SCN2A: variants seen among roughly 807,000 people sequenced by gnomAD.
SCN2A encodes the protein sodium channel protein type 2 subunit alpha.
SCN2A carries 20 observed loss-of-function variants against 188.7 expected under a neutral mutation model. The observed-to-expected ratio is 0.11, with a 90% CI of 0.07 to 0.15. SCN2A has a LOEUF of 0.15. SCN2A is among the 10% of genes least tolerant of loss of function. SCN2A has a pLI of 1.00. For synonymous variants in SCN2A, 804 were observed against 833.1 expected (o/e 0.97, Z 0.60); for missense variants, 1,278 against 2,445.0 (o/e 0.52, Z 10.07).
chr2:165,283,292 T>A (rs1222322654), intron 1 of SCN2A, among the ~76,000 whole-genome samples: 1 of 152,188 alleles, frequency 6.6e-6, no homozygotes, highest in African/African-American at 2.4e-5. Context: ...AGACCTTAGC[T>A]ATAGGTTGTT....
rs1700784527 is a variant in SCN2A, at chr2:165,367,368, T to C, written c.3672T>C (p.Ala1224=). The change falls in exon 19 of 27, where the codon GCT becomes GCC. Residue 1224 remains alanine (A), a synonymous_variant. Transcript: ENST00000375437. ...IVFMILLSSG[A]LAFEDIYIEQ... ...TCATGATTCTGCTGAGCAGTGGGGC[T>C]CTGGTAGGTGATGCATGATCCACTC... 6.2e-7 allele frequency: 1 copy of C among 1,614,064 alleles called. No homozygotes were observed. Among genetic ancestry groups the C allele is most frequent in the African/African-American group, 1.3e-5 (1 of 74,942 alleles).
chr2:165,336,297 C>T (rs945936968), intron 14 of SCN2A, among the ~76,000 whole-genome samples: 7 of 151,774 alleles, frequency 4.6e-5, no homozygotes, highest in Non-Finnish European at 1.0e-4. Flanking sequence ...AACATGAATG[C>T]TTATAGAATA....
At chr2:165,268,295 C>G (rs1263369978) in intron 1 of SCN2A, 1 of 151,934 alleles carries the variant, frequency 6.6e-6, no homozygotes, top group South Asian at 2.1e-4. Context: ...CAACAAAATT[C>G]TAGCTAAGCA....
intron 1 of SCN2A, among the ~76,000 whole-genome samples, chr2:165,276,027 T>C (rs168478): frequency 0.28 from 43,069 of 152,030 alleles, 6,390 homozygotes; most frequent in South Asian, 0.32. Context: ...GCCACTGCAC[T>C]CAGCCAAGTT....
At chr2:165,348,531 C>G (rs1699725463) in intron 16 of SCN2A, among the ~76,000 whole-genome samples, 1 of 152,088 alleles carries the variant, frequency 6.6e-6, no homozygotes, top group Non-Finnish European at 1.5e-5. Flanking sequence ...TAATTCTGAT[C>G]TATTTTTAAA....
intron 14 of SCN2A, among the ~76,000 whole-genome samples, chr2:165,332,147 A>C (rs1232547395): frequency 1.3e-5 from 2 of 151,948 alleles, no homozygotes; most frequent in Non-Finnish European, 2.9e-5. Flanking sequence ...TAGATTTTAA[A>C]GTGGTCTTAT....
chr2:165,380,948 T>A, intron 24 of SCN2A, 145 bp from the exon 25 acceptor site: 1 of 691,728 alleles, frequency 1.4e-6, no homozygotes, highest in South Asian at 1.9e-5. Flanking sequence ...GCATAATTTA[T>A]ATATTGAATA....
At chr2:165,265,590 A>G (rs1452940391) in intron 1 of SCN2A, among the ~76,000 whole-genome samples, 1 of 143,586 alleles carries the variant, frequency 7.0e-6, no homozygotes. Flanking sequence ...AAAATATTGA[A>G]CATTAAAATA....
At chr2:165,384,279 G>A (rs1310774530) in intron 25 of SCN2A, among the ~76,000 whole-genome samples, 1 of 152,062 alleles carries the variant, frequency 6.6e-6, no homozygotes, top group Non-Finnish European at 1.5e-5. Context: ...TGAGAAGTTT[G>A]GAATTATCTT....
intron 3 of SCN2A, among the ~76,000 whole-genome samples, chr2:165,301,417 T>C (rs779683710): frequency 5.3e-5 from 8 of 152,130 alleles, no homozygotes; most frequent in Non-Finnish European, 7.4e-5. Context: ...CTACCTATCA[T>C]TTGAAAATGG....
At chr2:165,354,001 T>C (rs1700060848) in intron 16 of SCN2A, among the ~76,000 whole-genome samples, 191 bp from the exon 17 acceptor site, 2 of 152,262 alleles carry the variant, frequency 1.3e-5, no homozygotes, top group African/African-American at 4.8e-5. Context: ...CAAATAGTGA[T>C]AATAGTATTA....
At chr2:165,362,056 A>T (rs1574683398) in intron 17 of SCN2A, among the ~76,000 whole-genome samples, 1 of 152,062 alleles carries the variant, frequency 6.6e-6, no homozygotes, top group South Asian at 2.1e-4. Flanking sequence ...GAGTCCTCGC[A>T]CTGGTCATTC....
intron 14 of SCN2A, among the ~76,000 whole-genome samples, chr2:165,342,057 AAAT>A (rs1699348184): frequency 6.6e-6 from 1 of 152,178 alleles, no homozygotes; most frequent in Admixed American, 6.5e-5. Flanking sequence ...TTTCATATGA[AAAT>A]AATATTAATT....
chr2:165,261,115 A>G (rs1319230555), intron 1 of SCN2A, among the ~76,000 whole-genome samples: 2 of 152,164 alleles, frequency 1.3e-5, no homozygotes, highest in East Asian at 3.8e-4. Context: ...TGTAATGTTT[A>G]GGGAATAGTG....
intron 1 of SCN2A, among the ~76,000 whole-genome samples, chr2:165,289,314 G>A (rs1695992833): frequency 6.6e-6 from 1 of 151,542 alleles, no homozygotes; most frequent in Non-Finnish European, 1.5e-5. Context: ...TTTTAATTTA[G>A]AAAAAATATA....
intron 1 of SCN2A, among the ~76,000 whole-genome samples, chr2:165,276,013 A>G (rs1338587380): frequency 6.6e-6 from 1 of 152,178 alleles, no homozygotes; most frequent in African/African-American, 2.4e-5. Context: ...GATGGCAGGC[A>G]TGAGCCACTG....
intron 14 of SCN2A, among the ~76,000 whole-genome samples, chr2:165,333,650 ATATT>A (rs1698819723): frequency 6.6e-6 from 1 of 151,860 alleles, no homozygotes; most frequent in African/African-American, 2.4e-5. Context: ...AGCTAAAACA[ATATT>A]TAAAGACAAA....
At chr2:165,338,815 T>C (rs925528356) in intron 14 of SCN2A, among the ~76,000 whole-genome samples, 4 of 152,178 alleles carry the variant, frequency 2.6e-5, no homozygotes, top group Non-Finnish European at 5.9e-5. Flanking sequence ...TAAGATCATC[T>C]CAATAGATGC....
intron 20 of SCN2A, 38 bp downstream of exon 20, chr2:165,370,337 T>C: frequency 6.2e-7 from 1 of 1,604,264 alleles, no homozygotes; most frequent in Non-Finnish European, 8.5e-7. Flanking sequence ...TTCATTGGCA[T>C]ATATGTAATA....
Sources: gnomAD v4.1 joint callset for allele counts (sites outside exome capture counted in the v4.1 genomes callset) on GRCh38, gnomAD v4.1.1 for gene constraint, MANE v1.5 for transcripts, NCBI Gene and HGNC (gene_info 2026-07-23, HGNC 2026-07-21) for gene names.